The following ABCC5 variants were observed in gnomAD, a reference collection of about 807,000 sequenced individuals.
ABCC5 encodes the protein ATP-binding cassette sub-family C member 5.
In ABCC5, 61 loss-of-function variants were observed where a neutral mutation model predicts 160.9. That is an observed-to-expected ratio of 0.38 (90% confidence interval 0.31 to 0.47). The LOEUF is 0.47. Among genes scored for constraint, ABCC5 ranks in the 20% least tolerant of loss-of-function variants. The pLI is 0.99. For missense variants in ABCC5, 1,308 were observed against 1,813.3 expected (o/e 0.72, Z 5.06); for synonymous variants, 666 against 700.6 (o/e 0.95, Z 0.78).
rs1714950194 is a variant in ABCC5, at chr3:183,947,452, G to T, written c.3286C>A (p.Arg1096=). 6.2e-7 allele frequency: 1 copy of T among 1,611,754 alleles called. No homozygotes were observed. The highest frequency in any genetic ancestry group is 1.3e-5 in the African/African-American group (1 of 74,868). The change falls in exon 23 of 30, where the codon CGG becomes AGG. Residue 1096 remains arginine, a synonymous_variant. Coordinates refer to ENST00000334444, the MANE Select transcript of ABCC5 (RefSeq NM_005688.4). ...AGGTCCAGCCGCACAGCCAGCCACC[G>T]CATCGCACACGTAAACAAAAAAAAA... ...APFFLFTCAM[R]WLAVRLDLIS... is the part of the protein sequence containing the mutation.
At chr3:183,936,672 TAATTTTTTGTATTTTTTAGTAG>T (rs1473082286) in intron 26 of ABCC5, among the ~76,000 whole-genome samples, 1 of 152,130 alleles carries the variant, frequency 6.6e-6, no homozygotes, top group African/African-American at 2.4e-5. Context: ...CACGCCCGGC[TAATTTTTTGTATTTTTTAGTAG>T]AGACGGGGTT....
Position 183,945,833 on chromosome 3 carries a change from G to A in ABCC5, c.3504+17C>T. 1 of 1,607,742 alleles carries A rather than the reference G, an allele frequency of 6.2e-7. No individual in the cohort carries two copies. Among genetic ancestry groups the A allele is most frequent in the Non-Finnish European group, 8.5e-7 (1 of 1,174,284 alleles). ...AAGAGGAGTCAGATCACGGTAAAAGGCCTACAGCAGTCTGACCTTAATGTA... is the reference window on the plus strand; with the variant it reads ...AAGAGGAGTCAGATCACGGTAAAAGACCTACAGCAGTCTGACCTTAATGTA... On this transcript the variant is annotated intron_variant, in intron 24 of 29. Coordinates refer to ENST00000334444, the MANE Select transcript of ABCC5 (RefSeq NM_005688.4).
chr3:183,975,739 G>T (rs1718158579), intron 10 of ABCC5, among the ~76,000 whole-genome samples: 1 of 151,976 alleles, frequency 6.6e-6, no homozygotes, highest in Admixed American at 6.6e-5. Flanking sequence ...GATAGAAGGG[G>T]TCTAAAGTCT....
Position 183,949,776 on chromosome 3 carries a change from A to G in ABCC5, c.3204T>C (p.Asn1068=). 3 of 1,614,058 alleles carry G rather than the reference A, an allele frequency of 1.9e-6. No individual in the cohort carries two copies. Among genetic ancestry groups the G allele is most frequent in the Non-Finnish European group, 2.5e-6 (3 of 1,179,994 alleles). The change falls in exon 22 of 30, where the codon AAT becomes AAC. Residue 1068 remains asparagine (N), a synonymous_variant. Transcript: ENST00000334444. This position sits in a 1 kb window ranked among gnomAD's most constrained non-coding sequence, Gnocchi z 4.2. ...IQGLATIHAY[N]KGQEFLHRYQ... is the part of the protein sequence containing the mutation. ...ACCTGTGCAGAAACTCCTGCCCTTTATTGTAGGCGTGGATGGTGGCAAGGC... is the reference window on the plus strand; with the variant it reads ...ACCTGTGCAGAAACTCCTGCCCTTTGTTGTAGGCGTGGATGGTGGCAAGGC...
chr3:183,990,915 G>C (rs1719707122), intron 2 of ABCC5, among the ~76,000 whole-genome samples: 1 of 152,214 alleles, frequency 6.6e-6, no homozygotes, highest in South Asian at 2.1e-4. Flanking sequence ...AGAAGCAGAA[G>C]CTTCATTTTC....
chr3:184,007,135 C>T (rs1402976322), intron 2 of ABCC5, among the ~76,000 whole-genome samples: 1 of 150,820 alleles, frequency 6.6e-6, no homozygotes, highest in Non-Finnish European at 1.5e-5. Context: ...ATTCTCCTGC[C>T]TCAGTCTCCC....
Position 183,925,607 on chromosome 3 carries a change from C to T in ABCC5, c.4160G>A (p.Arg1387His), listed in dbSNP as rs866254794. 1.9e-6 allele frequency: 3 copies of T among 1,613,984 alleles called. No individual in the cohort carries two copies. Among genetic ancestry groups the T allele is most frequent in the Non-Finnish European group, 2.5e-6 (3 of 1,179,996 alleles). ...ADCTMLTIAH[R>H]LHTVLGSDRI... ...ATCGGAGCCTAGAACCGTGTGCAGG[C>T]GATGGGCAATGGTCAGCATGGTACA... The change falls in exon 29 of 30, where the codon CGC becomes CAC. Residue 1387 changes from arginine (R) to histidine (H), a missense_variant. Arg to His is a conservative substitution (Grantham distance 29, BLOSUM62 0). Coordinates refer to ENST00000334444, the MANE Select transcript of ABCC5 (RefSeq NM_005688.4).
intron 11 of ABCC5, among the ~76,000 whole-genome samples, chr3:183,970,792 T>C (rs774579680): frequency 3.3e-5 from 5 of 152,188 alleles, no homozygotes; most frequent in African/African-American, 4.8e-5. Flanking sequence ...ATATTGTATT[T>C]GCTCACGACC....
rs372752015 is a variant in ABCC5 at position 183,979,917 on chromosome 3, C to T, written c.1148-1266G>A. 1.8e-4 allele frequency among the ~76,000 whole-genome samples: 27 copies of T among 150,668 alleles called. No homozygotes were observed. In the East Asian group the frequency reaches 3.9e-3, roughly 22 times the overall value. ...TAAGACGGGAGTCTCACTCTGTTGCCGAGGCTGGAGTGCAGTGGTGTGATC... is the reference window on the plus strand; with the variant it reads ...TAAGACGGGAGTCTCACTCTGTTGCTGAGGCTGGAGTGCAGTGGTGTGATC... On this transcript the variant is annotated intron_variant, in intron 8 of 29. Transcript: ENST00000334444.
At chr3:183,957,687 C>T (rs1372174855) in intron 17 of ABCC5, among the ~76,000 whole-genome samples, 7 of 151,512 alleles carry the variant, frequency 4.6e-5, no homozygotes, top group Non-Finnish European at 8.8e-5. Flanking sequence ...CATGCAGATC[C>T]GTGTGTATAT....
intron 1 of ABCC5, among the ~76,000 whole-genome samples, chr3:184,015,206 A>G (rs1355027374): frequency 6.6e-6 from 1 of 152,226 alleles, no homozygotes; most frequent in Non-Finnish European, 1.5e-5. Flanking sequence ...TCCACCCTGT[A>G]TTACTAAGTC....
In ABCC5 at chr3:183,987,832, T is replaced by C; in HGVS notation, c.529A>G (p.Thr177Ala). The change falls in exon 5 of 30, where the codon ACC becomes GCC. Residue 177 changes from threonine (T) to alanine (A), a missense_variant. By Grantham distance (58) the Thr-to-Ala change is moderately conservative. Around this residue, in one of 3 missense-constraint regions of ABCC5, gnomAD observed 1,142 missense variants for 1,527.1 expected, o/e 0.75. Transcript: ENST00000334444. This position sits in a 1 kb window ranked among gnomAD's most constrained non-coding sequence, Gnocchi z 4.2. Reference protein sequence around the residue: ...LRRVVWIFCRTRLILSIVCLM... With the variant: ...LRRVVWIFCRARLILSIVCLM... ...CACACGATGGACAGGATGAGCCTGG[T>C]GCGGCAGAAGATCCACACAACCCTT... is the stretch of plus-strand genomic sequence containing the variant. The C allele has an allele frequency of 6.2e-7, 1 of 1,613,962 alleles. No individual in the cohort carries two copies. Among genetic ancestry groups the C allele is most frequent in the African/African-American group, 1.3e-5 (1 of 74,980 alleles).
intron 10 of ABCC5, among the ~76,000 whole-genome samples, chr3:183,974,183 A>T (rs185267762): frequency 3.9e-4 from 59 of 152,396 alleles, no homozygotes; most frequent in African/African-American, 1.3e-3. Context: ...CAGGACACTG[A>T]CCATGAAAAC....
At chr3:184,007,610 G>A (rs1168272022) in intron 2 of ABCC5, among the ~76,000 whole-genome samples, 1 of 152,062 alleles carries the variant, frequency 6.6e-6, no homozygotes, top group East Asian at 1.9e-4. Flanking sequence ...GGGATCACCT[G>A]AGGTCAGGAG....
At chr3:183,970,578 G>A (rs1055824185) in intron 11 of ABCC5, among the ~76,000 whole-genome samples, 1 of 151,996 alleles carries the variant, frequency 6.6e-6, no homozygotes, top group African/African-American at 2.4e-5. Flanking sequence ...CCAAGTAGCT[G>A]GAACTATAGG....
rs1301830036 is a variant in ABCC5, at chr3:183,987,187, G to C, written c.591+583C>G. 6.1e-6 allele frequency: 1 copy of C among 162,762 alleles called. No individual in the cohort carries two copies. The highest frequency in any genetic ancestry group is 2.4e-5 in the African/African-American group (1 of 41,614). The allele number at this position is 162,762 out of a possible 1,614,324, so 10.1% of individuals were successfully genotyped here. A position where few individuals can be genotyped will look rare whatever the true frequency, so the allele number is the denominator to read the frequency against. On this transcript the variant is annotated intron_variant, in intron 5 of 29. Coordinates refer to ENST00000334444, the MANE Select transcript of ABCC5 (RefSeq NM_005688.4). This position sits in a 1 kb window ranked among gnomAD's most constrained non-coding sequence, Gnocchi z 4.2. ...CCAGGAAACAGAGTGAACGTCAAAG[G>C]CTCTCTTGTCTACTCTGCATCAGTA...
intron 17 of ABCC5, 110 bp downstream of exon 17, chr3:183,959,623 G>GT (rs750996764): frequency 1.5e-5 from 12 of 825,590 alleles, no homozygotes; most frequent in Admixed American, 5.4e-5. Flanking sequence ...GTAAGACCAA[G>GT]TATTTATATT....
chr3:183,988,939 G>A lies in ABCC5; in HGVS notation c.288-212C>T, dbSNP rs572597904. Among the ~76,000 whole-genome samples the A allele has an allele frequency of 1.1e-3, 172 of 152,148 alleles. 2 individuals are homozygous for A. The highest frequency in any genetic ancestry group is 5.9e-4 in the Non-Finnish European group (40 of 68,000). On this transcript the variant is annotated intron_variant, in intron 3 of 29. Transcript: ENST00000334444. The surrounding 1 kb of genome is among the most constrained non-coding windows in gnomAD (Gnocchi z 4.4). ...CCAGCACTTTGGGAGGCCGAGGCGG[G>A]CAGATCATGAGGTCAGGAGATTGAG...
rs371222947 is a variant in ABCC5, at chr3:183,920,728, C to A, written c.*572G>T. ...CACCCCTGGAGCGGCCGTGGGGAGG[C>A]GGCAGAGGGGGCTGTCGGAGGGCCC... On this transcript the variant is annotated 3_prime_UTR_variant, in exon 30 of 30. Transcript: ENST00000334444. The surrounding 1 kb of genome is among the most constrained non-coding windows in gnomAD (Gnocchi z 4.1). The A allele has an allele frequency of 1.3e-5, 2 of 152,602 alleles. No homozygotes were observed. The highest frequency in any genetic ancestry group is 2.9e-5 in the Non-Finnish European group (2 of 68,068). 9.5% of individuals were successfully genotyped at this position (152,602 alleles called of 1,614,324 possible).
Sources: allele counts gnomAD v4.1 joint callset (sites outside exome capture counted in the v4.1 genomes callset), GRCh38; gene constraint gnomAD v4.1.1; regional missense constraint gnomAD v4.1.1; non-coding constraint Gnocchi (gnomAD v3.1); transcripts MANE v1.5; gene names NCBI Gene and HGNC (gene_info 2026-07-23, HGNC 2026-07-21).